CDC42BPG: variants seen among roughly 807,000 people sequenced by gnomAD.
CDC42BPG encodes CDC42 binding protein kinase gamma.
In CDC42BPG, 157 loss-of-function variants were observed where a neutral mutation model predicts 192.2. The ratio of observed to expected loss-of-function variants is 0.82; its 90% CI spans 0.72 to 0.93. The LOEUF (loss-of-function observed/expected upper bound fraction) is 0.93. CDC42BPG is among the 40% of genes least tolerant of loss of function. The pLI, the probability that CDC42BPG is intolerant of heterozygous loss-of-function variation, is 0.00. For missense variants in CDC42BPG, 1,992 were observed against 2,122.1 expected, an observed-to-expected ratio of 0.94 and a Z score of 1.20; for synonymous variants, 981 against 918.5, an observed-to-expected ratio of 1.07 and a Z score of -1.23.
At position 64,827,802 on chromosome 11, in the gene CDC42BPG, C is replaced by A. The variant is rs558484889; in HGVS notation, c.3968-19G>T. On this transcript the variant is annotated intron_variant, in intron 30 of 36. Transcript: ENST00000342711. ...GCATACCCTGCGGGCACGCCAGGCACCTCTGAGCTGTTTCCCCCTCTGTTC... is the reference window on the plus strand; with the variant it reads ...GCATACCCTGCGGGCACGCCAGGCAACTCTGAGCTGTTTCCCCCTCTGTTC... The A allele has an allele frequency of 9.5e-6, 15 of 1,580,624 alleles. No individual in the cohort carries two copies. The East Asian group carries it at 3.1e-4, about 33-fold the overall frequency.
intron 9 of CDC42BPG, among the ~76,000 whole-genome samples, chr11:64,837,521 C>T (rs774495180): frequency 7.2e-5 from 11 of 152,208 alleles, no homozygotes; most frequent in Non-Finnish European, 1.0e-4. Context: ...AGTGCAGTGG[C>T]GCAATCTCAG....
intron 27 of CDC42BPG, 30 bp from the exon 28 acceptor site, chr11:64,831,751 G>T (rs1295126849): frequency 6.5e-7 from 1 of 1,543,858 alleles, no homozygotes; most frequent in Non-Finnish European, 8.7e-7. Flanking sequence ...CTGGAGGGCC[G>T]TGGACCAGAG....
rs773510367 is a variant in CDC42BPG, at chr11:64,841,700, T to C, written c.286A>G (p.Ile96Val). 2 of 1,613,750 alleles carry C rather than the reference T, an allele frequency of 1.2e-6. No individual in the cohort carries two copies. The highest frequency in any genetic ancestry group is 2.2e-5 in the South Asian group (2 of 91,086). ...TTGTGCAGCATTTTCATGGCAAAAA[T>C]CTGCCCAGTGTCCCTCTGCCTCACC... is the stretch of plus-strand genomic sequence containing the variant. The part of the protein sequence containing the change: ...TVVRQRDTGQ[I>V]FAMKMLHKWE... The change falls in exon 3 of 37, where the codon ATT becomes GTT. Residue 96 changes from isoleucine (I) to valine (V), a missense_variant. Ile to Val is a conservative substitution (Grantham distance 29). Around this residue, in one of 2 missense-constraint regions of CDC42BPG, gnomAD observed 1,656 missense variants for 1,844.3 expected, o/e 0.90. Coordinates refer to ENST00000342711, the MANE Select transcript of CDC42BPG (RefSeq NM_017525.3).
At position 64,836,739 on chromosome 11, in the gene CDC42BPG, C is replaced by T. The variant is rs1351975612; in HGVS notation, c.1384G>A (p.Glu462Lys). ...EVQTLRDRLP[E>K]MLRDKASLSQ... is the part of the protein sequence containing the mutation. ...GGGGGGGGGTGGGCGGAAGGGATAC[C>T]TGGCAGCCTGTCCCGCAGAGTCTGC... Residue 462 changes from glutamate (E) to lysine (K), a missense_variant and splice_region_variant, in exon 11 of 37, where the codon GAG becomes AAG. Coordinates refer to ENST00000342711, the MANE Select transcript of CDC42BPG (RefSeq NM_017525.3). The T allele has an allele frequency of 4.2e-6, 5 of 1,195,466 alleles. No homozygotes were observed. Among genetic ancestry groups the T allele is most frequent in the Non-Finnish European group, 5.8e-6 (5 of 864,678 alleles). 74.1% of individuals were successfully genotyped at this position (1,195,466 alleles called of 1,614,324 possible).
Position 64,836,524 on chromosome 11 carries a change from A to G in CDC42BPG, c.1391T>C (p.Leu464Pro), listed in dbSNP as rs2136335955. Residue 464 changes from leucine to proline, a missense_variant, in exon 12 of 37, where the codon CTG becomes CCG. By Grantham distance (98) the Leu-to-Pro change is moderately conservative. Coordinates refer to ENST00000342711, the MANE Select transcript of CDC42BPG (RefSeq NM_017525.3). ...CTGGGACAATGAGGCCTTGTCCCTC[A>G]GCATCTCTGCCAGGAAGAGTCACTG... ...QTLRDRLPEM[L>P]RDKASLSQTD... 1 of 1,613,098 alleles carries G rather than the reference A, an allele frequency of 6.2e-7. No homozygotes were observed.
Position 64,836,164 on chromosome 11 carries a change from G to C in CDC42BPG, c.1621C>G (p.Arg541Gly). Reference protein sequence around the residue: ...EREAATASQTRALSSQLEEAR... With the variant: ...EREAATASQTGALSSQLEEAR... ...TCCTCCAGCTGGGAGCTCAGGGCCC[G>C]GGTCTGGCTAGCTGTGGCCGCCTCT... Residue 541 changes from arginine (R) to glycine (G), a missense_variant, in exon 13 of 37, where the codon CGG becomes GGG. Physicochemically the swap from Arg to Gly is moderately radical, Grantham distance 125 (BLOSUM62 -2). Coordinates refer to ENST00000342711, the MANE Select transcript of CDC42BPG (RefSeq NM_017525.3). 6.3e-7 allele frequency: 1 copy of C among 1,597,064 alleles called. No individual in the cohort carries two copies. Among genetic ancestry groups the C allele is most frequent in the Non-Finnish European group, 8.5e-7 (1 of 1,173,546 alleles).
chr11:64,830,034 T>C lies in CDC42BPG; in HGVS notation c.3404A>G (p.Gln1135Arg), dbSNP rs3741395. The C allele has an allele frequency of 0.55, 893,330 of 1,612,858 alleles. 261,687 individuals are homozygous for C. Among genetic ancestry groups the C allele is most frequent in the Non-Finnish European group, 0.62 (727,087 of 1,179,838 alleles). Reference protein sequence around the residue: ...FQVGECRRVQQLTLSPSAGLL... With the variant: ...FQVGECRRVQRLTLSPSAGLL... ...GCCTGCACTGGGGCTCAAGGTCAGC[T>C]GCTGCACGCGCCGGCACTCCCCCAC... The change falls in exon 30 of 37, where the codon CAG becomes CGG. Residue 1135 changes from glutamine (Q) to arginine (R), a missense_variant. This residue lies in a region of CDC42BPG where 1,656 missense variants were observed against 1,844.3 expected (regional missense o/e 0.90). Transcript: ENST00000342711.
At chr11:64,831,919 C>A (rs1217273485) in intron 27 of CDC42BPG, among the ~76,000 whole-genome samples, 198 bp from the exon 28 acceptor site, 2 of 152,264 alleles carry the variant, frequency 1.3e-5, no homozygotes, top group East Asian at 1.9e-4. Flanking sequence ...CTAGTGGGAA[C>A]ACAGAGGGAC....
rs1218805994 is a variant in CDC42BPG, at chr11:64,827,267, T to C, written c.4271+11A>G. On this transcript the variant is annotated intron_variant, in intron 33 of 36. Transcript: ENST00000342711. ...CCACCCAGCCTCAGCCCCCGCGTCG[T>C]GCACGCGCACCTGCGCTGCTGCTTC... is the stretch of plus-strand genomic sequence containing the variant. The C allele has an allele frequency of 3.1e-6, 5 of 1,613,330 alleles. No individual in the cohort carries two copies. The highest frequency in any genetic ancestry group is 2.2e-5 in the South Asian group (2 of 91,042).
chr11:64,842,108 C>T (rs1943307708), intron 1 of CDC42BPG, among the ~76,000 whole-genome samples: 3 of 152,188 alleles, frequency 2.0e-5, no homozygotes, highest in Admixed American at 2.0e-4. Flanking sequence ...AGGCCGGGCT[C>T]AGCTGACCGC....
At chr11:64,843,249 GC>G (rs910447210) in intron 1 of CDC42BPG, among the ~76,000 whole-genome samples, 7 of 152,070 alleles carry the variant, frequency 4.6e-5, no homozygotes, top group Admixed American at 3.3e-4. Flanking sequence ...TCAACAGAGG[GC>G]CCCCATGCCG....
At chr11:64,837,605 G>A (rs1943077947) in intron 9 of CDC42BPG, among the ~76,000 whole-genome samples, 1 of 152,236 alleles carries the variant, frequency 6.6e-6, no homozygotes, top group South Asian at 2.1e-4. Context: ...GGGATTACAG[G>A]CGCCCGCCAC....
rs1246279678 is a variant in CDC42BPG at position 64,838,767 on chromosome 11, C to T, written c.1012G>A (p.Glu338Lys). Reference sequence around the variant, plus strand: ...GCCAGCCGCTCCCAGTCCACGCCTTCGAAGAAAGGATGGTTCCGGAAGTCA... The same window carrying T: ...GCCAGCCGCTCCCAGTCCACGCCTTTGAAGAAAGGATGGTTCCGGAAGTCA... ...LDDFRNHPFF[E>K]GVDWERLASS... is the part of the protein sequence containing the mutation. The change falls in exon 8 of 37, where the codon GAA becomes AAA. Residue 338 changes from glutamate (E) to lysine (K), a missense_variant. Coordinates refer to ENST00000342711, the MANE Select transcript of CDC42BPG (RefSeq NM_017525.3). 25 of 1,612,974 alleles carry T rather than the reference C, an allele frequency of 1.5e-5. No individual in the cohort carries two copies. The highest frequency in any genetic ancestry group is 2.1e-5 in the Non-Finnish European group (25 of 1,180,030).
chr11:64,837,138 G>A, intron 9 of CDC42BPG, 119 bp from the exon 10 acceptor site: 1 of 876,668 alleles, frequency 1.1e-6, no homozygotes, highest in Non-Finnish European at 1.8e-6. Flanking sequence ...CCTGCCCTCG[G>A]GAGACCCCAG....
At chr11:64,826,004 G>T (rs1414196711) in intron 36 of CDC42BPG, among the ~76,000 whole-genome samples, 2 of 147,700 alleles carry the variant, frequency 1.4e-5, no homozygotes, top group Admixed American at 6.9e-5. Flanking sequence ...GGAGGTGGGG[G>T]TTGCACTGAC....
intron 1 of CDC42BPG, among the ~76,000 whole-genome samples, chr11:64,842,587 AGT>A (rs1429749509): frequency 6.6e-6 from 1 of 152,182 alleles, no homozygotes; most frequent in Non-Finnish European, 1.5e-5. Context: ...TGAAGGCGTG[AGT>A]GCTCAGGATG....
chr11:64,836,541 G>A lies in CDC42BPG; in HGVS notation c.1385-11C>T, dbSNP rs368900602. ...TGTCCCTCAGCATCTCTGCCAGGAA[G>A]AGTCACTGAGACCTCGAGTGCTGGC... is the stretch of plus-strand genomic sequence containing the variant. On this transcript the variant is annotated splice_polypyrimidine_tract_variant and intron_variant, in intron 11 of 36. Transcript: ENST00000342711. The A allele has an allele frequency of 3.1e-6, 5 of 1,610,442 alleles. No individual in the cohort carries two copies. The highest frequency in any genetic ancestry group is 1.3e-5 in the African/African-American group (1 of 74,854).
At position 64,838,922 on chromosome 11, in the gene CDC42BPG, G is replaced by A. The variant is rs1305987506; in HGVS notation, c.877-20C>T. 2.8e-5 allele frequency: 24 copies of A among 866,536 alleles called. No individual in the cohort carries two copies. Among genetic ancestry groups the A allele is most frequent in the Non-Finnish European group, 4.4e-5 (24 of 542,996 alleles). The allele number at this position is 866,536 out of a possible 1,614,324, so 53.7% of individuals were successfully genotyped here. A position where few individuals can be genotyped will look rare whatever the true frequency, so the allele number is the denominator to read the frequency against. ...GTGGTCCTGTGGGTCGGGGGAGGGGGCAGGCTGGGTCAAGTGTCCAGGAAC... is the reference window on the plus strand; with the variant it reads ...GTGGTCCTGTGGGTCGGGGGAGGGGACAGGCTGGGTCAAGTGTCCAGGAAC... On this transcript the variant is annotated intron_variant, in intron 7 of 36. Coordinates refer to ENST00000342711, the MANE Select transcript of CDC42BPG (RefSeq NM_017525.3).
At chr11:64,824,706 G>A (rs1457169192) in intron 36 of CDC42BPG, among the ~76,000 whole-genome samples, 177 bp from the exon 37 acceptor site, 1 of 152,112 alleles carries the variant, frequency 6.6e-6, no homozygotes, top group Non-Finnish European at 1.5e-5. Context: ...GAAGAACCTG[G>A]AGAGCTCCTA....
Sources: gnomAD v4.1 joint callset for allele counts (sites outside exome capture counted in the v4.1 genomes callset) on GRCh38, gnomAD v4.1.1 for gene constraint, gnomAD v4.1.1 regional missense constraint, MANE v1.5 for transcripts, NCBI Gene and HGNC (gene_info 2026-07-23, HGNC 2026-07-21) for gene names.